The following PITRM1 variants were observed in gnomAD, a reference collection of about 807,000 sequenced individuals.
PITRM1 encodes the protein pitrilysin metallopeptidase 1.
PITRM1 carries 100 observed loss-of-function variants against 129.9 expected under a neutral mutation model. The observed-to-expected ratio is 0.77, with a 90% CI of 0.65 to 0.91. PITRM1 has a LOEUF of 0.91. Ranked by LOEUF, PITRM1 falls within the 40% of genes least tolerant of loss-of-function variation. PITRM1 has a pLI of 0.00. For synonymous variants in PITRM1, 591 were observed against 508.8 expected (o/e 1.16, Z -2.17); for missense variants, 1,471 against 1,318.3 (o/e 1.12, Z -1.79).
intron 25 of PITRM1, 79 bp from the exon 26 acceptor site, chr10:3,138,416 G>A: frequency 1.1e-6 from 1 of 912,620 alleles, no homozygotes; most frequent in Non-Finnish European, 1.8e-6. Flanking sequence ...GTCCCGGAGG[G>A]GACACAGGCA....
intron 7 of PITRM1, among the ~76,000 whole-genome samples, chr10:3,161,289 G>T (rs1455882075): frequency 6.6e-6 from 1 of 152,162 alleles, no homozygotes; most frequent in Non-Finnish European, 1.5e-5. Context: ...CAGTAATATA[G>T]TAATCCAACT....
intron 23 of PITRM1, chr10:3,143,019 T>C (rs1236516458): frequency 1.4e-5 from 3 of 207,704 alleles, no homozygotes; most frequent in South Asian, 8.2e-5. Context: ...TCTGTCCTCA[T>C]GAAGGCTTAA....
chr10:3,171,155 A>T (rs1739682933), intron 1 of PITRM1, among the ~76,000 whole-genome samples: 1 of 79,266 alleles, frequency 1.3e-5, no homozygotes, highest in African/African-American at 4.6e-5. Context: ...ATTAAAAAAA[A>T]AAAAAAAAAA....
At chr10:3,157,225 A>C (rs1325359242) in intron 12 of PITRM1, 161 bp from the exon 13 acceptor site, 6 of 763,020 alleles carry the variant, frequency 7.9e-6, no homozygotes, top group Admixed American at 3.6e-5. Flanking sequence ...GAGAAACAAA[A>C]AAACTTACTT....
At chr10:3,146,362 C>A (rs538558844) in intron 20 of PITRM1, 2 of 152,422 alleles carry the variant, frequency 1.3e-5, no homozygotes, top group African/African-American at 4.8e-5. Context: ...TGCAGATATT[C>A]TTTCTTTTAT....
At chr10:3,144,100 C>T (rs1360367559) in intron 22 of PITRM1, 192 bp downstream of exon 22, 4 of 598,124 alleles carry the variant, frequency 6.7e-6, no homozygotes, top group African/African-American at 1.9e-5. Context: ...CCCACCAGGG[C>T]CTTCACTCAG....
chr10:3,160,538 A>G (rs1842359067), intron 7 of PITRM1, among the ~76,000 whole-genome samples: 1 of 152,176 alleles, frequency 6.6e-6, no homozygotes, highest in Admixed American at 6.5e-5. Flanking sequence ...GTATATTGTT[A>G]TAATTGTTCT....
At chr10:3,143,936 C>G in intron 22 of PITRM1, 2 of 515,868 alleles carry the variant, frequency 3.9e-6, no homozygotes, top group Non-Finnish European at 7.2e-6. Flanking sequence ...AAGGATCTGT[C>G]AGACCGCTCC....
chr10:3,157,122 A>C, intron 12 of PITRM1, 58 bp from the exon 13 acceptor site: 3 of 1,502,156 alleles, frequency 2.0e-6, no homozygotes, highest in Non-Finnish European at 2.7e-6. Context: ...AACCTCCACC[A>C]ACAGCCCAGA....
Position 3,148,169 on chromosome 10 carries a change from A to C in PITRM1, c.1992+2T>G, listed in dbSNP as rs1263967294. 3 of 1,613,780 alleles carry C rather than the reference A, an allele frequency of 1.9e-6. No individual in the cohort carries two copies. On this transcript the variant is annotated splice_donor_variant, in intron 17 of 26. Transcript: ENST00000224949. LOFTEE classifies it high-confidence loss of function. Reference sequence around the variant, plus strand: ...AGCAGTCGTCTGACGGTACCAGGCTACCTGCTCGTAGGTGTCCATGTGTGA... The same window carrying C: ...AGCAGTCGTCTGACGGTACCAGGCTCCCTGCTCGTAGGTGTCCATGTGTGA...
rs771682578 is a variant in PITRM1, at chr10:3,166,294, G to A, written c.353C>T (p.Pro118Leu). The A allele has an allele frequency of 5.0e-6, 8 of 1,611,668 alleles. No homozygotes were observed. The highest frequency in any genetic ancestry group is 4.5e-5 in the East Asian group (2 of 44,816). ...HTVLCGSQKYPCRDPFFKMLN... is the reference protein window; with the variant it reads ...HTVLCGSQKYLCRDPFFKMLN... Reference sequence around the variant, plus strand: ...CATTTTGAAGAAAGGGTCTCTGCACGGATATTTCTGAGACCCACAAAGGAC... The same window carrying A: ...CATTTTGAAGAAAGGGTCTCTGCACAGATATTTCTGAGACCCACAAAGGAC... The change falls in exon 4 of 27, where the codon CCG becomes CTG. Residue 118 changes from proline to leucine, a missense_variant. Coordinates refer to ENST00000224949, the MANE Select transcript of PITRM1 (RefSeq NM_014889.4).
chr10:3,142,395 C>T (rs1254207216), intron 23 of PITRM1, among the ~76,000 whole-genome samples: 2 of 151,978 alleles, frequency 1.3e-5, no homozygotes, highest in Admixed American at 6.6e-5. Flanking sequence ...AGCCTGCCTT[C>T]CCCCTCTCTA....
rs543058667 is a variant in PITRM1, at chr10:3,147,517, ACT to A, written c.2235+53_2235+54del. On this transcript the variant is annotated intron_variant, in intron 19 of 26. Coordinates refer to ENST00000224949, the MANE Select transcript of PITRM1 (RefSeq NM_014889.4). ...TAATGTATTCCCAAAGAAATTAGTAACTCTGGAATATGTGGCTAAACCGGAGT... is the reference window on the plus strand; with the variant it reads ...TAATGTATTCCCAAAGAAATTAGTAACTGGAATATGTGGCTAAACCGGAGT... The A allele has an allele frequency of 1.3e-3, 2,056 of 1,535,046 alleles. 1 individual carries two copies. The highest frequency in any genetic ancestry group is 1.6e-3 in the Non-Finnish European group (1,829 of 1,110,452).
At chr10:3,165,120 C>G in intron 6 of PITRM1, 118 bp downstream of exon 6, 2 of 806,582 alleles carry the variant, frequency 2.5e-6, no homozygotes, top group Non-Finnish European at 3.9e-6. Flanking sequence ...CCAGCTAATT[C>G]AAGAATGTAT....
In PITRM1 at chr10:3,166,962, G is replaced by A; in HGVS notation, c.240C>T (p.Ala80=). Residue 80 remains alanine, a synonymous_variant, in exon 3 of 27, where the codon GCC becomes GCT. Transcript: ENST00000224949. Reference sequence around the variant, plus strand: ...TGAACAGATTATTCGTGTCTTCTCTGGCCAGGTGTAAATACCTGGCTCCTG... The same window carrying A: ...TGAACAGATTATTCGTGTCTTCTCTAGCCAGGTGTAAATACCTGGCTCCTG... ...DDTGARYLHL[A]REDTNNLFSV... The A allele has an allele frequency of 1.2e-6, 2 of 1,607,660 alleles. No individual in the cohort carries two copies. Among genetic ancestry groups the A allele is most frequent in the Non-Finnish European group, 1.7e-6 (2 of 1,175,280 alleles).
Position 3,138,263 on chromosome 10 carries a change from G to A in PITRM1, c.2992C>T (p.His998Tyr). ...AHREQLFAVS[H>Y]DKLLAVSDRY... is the part of the protein sequence containing the mutation. ...TCGCTCACGGCCAGGAGCTTGTCGT[G>A]GCTGACAGCAAAGAGCTGCTCTCTG... Residue 998 changes from histidine (H) to tyrosine (Y), a missense_variant, in exon 26 of 27, where the codon CAC becomes TAC. Coordinates refer to ENST00000224949, the MANE Select transcript of PITRM1 (RefSeq NM_014889.4). 2 of 1,613,674 alleles carry A rather than the reference G, an allele frequency of 1.2e-6. No homozygotes were observed. Among genetic ancestry groups the A allele is most frequent in the Non-Finnish European group, 1.7e-6 (2 of 1,179,622 alleles).
At chr10:3,166,912 A>G (rs1564435870) in intron 3 of PITRM1, 24 bp downstream of exon 3, 2 of 1,343,184 alleles carry the variant, frequency 1.5e-6, no homozygotes, top group Non-Finnish European at 1.1e-6. Context: ...ATTCAAGACC[A>G]TGTTCTTACA....
chr10:3,164,566 C>T (rs1367915612), intron 6 of PITRM1, among the ~76,000 whole-genome samples: 3 of 152,110 alleles, frequency 2.0e-5, no homozygotes, highest in Non-Finnish European at 4.4e-5. Context: ...GCTTAGGGTG[C>T]CAATAATGGA....
rs113947856 is a variant in PITRM1 at position 3,161,046 on chromosome 10, C to A, written c.792-716G>T. On this transcript the variant is annotated intron_variant, in intron 7 of 26. Transcript: ENST00000224949. Reference sequence around the variant, plus strand: ...AAAGTGCTGGAATTACAGGCGTGAGCCACCGTGCCTGACCGGCTAATTTTT... The same window carrying A: ...AAAGTGCTGGAATTACAGGCGTGAGACACCGTGCCTGACCGGCTAATTTTT... Among the ~76,000 whole-genome samples the A allele has an allele frequency of 5.9e-3, 903 of 152,238 alleles. 11 individuals carry two copies. The highest frequency in any genetic ancestry group is 0.021 in the African/African-American group (883 of 41,544).
Sources: allele counts gnomAD v4.1 joint callset (sites outside exome capture counted in the v4.1 genomes callset), GRCh38; gene constraint gnomAD v4.1.1; transcripts MANE v1.5; gene names NCBI Gene and HGNC (gene_info 2026-07-23, HGNC 2026-07-21).